Variants in ANKRD44 observed in about 807,000 individuals in gnomAD.
ANKRD44 encodes the protein ankyrin repeat domain 44, also known as serine/threonine-protein phosphatase 6 regulatory ankyrin repeat subunit B.
Under a neutral mutation model 116.0 loss-of-function variants are expected in ANKRD44, and 35 were observed. That is an observed-to-expected ratio of 0.30 (90% CI 0.23 to 0.40). The LOEUF (loss-of-function observed/expected upper bound fraction) is 0.40, where lower values mean the gene tolerates loss of function less well. Ranked by LOEUF, ANKRD44 falls within the 10% of genes least tolerant of loss-of-function variation. The pLI, the probability that ANKRD44 is intolerant of heterozygous loss-of-function variation, is 1.00. For missense variants in ANKRD44, 1,014 were observed against 1,242.6 expected, an observed-to-expected ratio of 0.82 and a Z score of 2.77; for synonymous variants, 435 against 461.8, an observed-to-expected ratio of 0.94 and a Z score of 0.74.
intron 2 of ANKRD44, among the ~76,000 whole-genome samples, chr2:197,155,070 CATTTTT>C (rs1227028061): frequency 6.6e-6 from 1 of 152,110 alleles, no homozygotes; most frequent in Non-Finnish European, 1.5e-5. Context: ...ATGCCAAAGA[CATTTTT>C]ATTTTATCTC....
chr2:197,236,875 A>G (rs2081990305), intron 1 of ANKRD44, among the ~76,000 whole-genome samples: 1 of 152,204 alleles, frequency 6.6e-6, no homozygotes, highest in Admixed American at 6.5e-5. Context: ...TACTGTTTTT[A>G]GCTTACTCCC....
Position 196,987,616 on chromosome 2 carries a change from T to C in ANKRD44, c.*1975A>G, listed in dbSNP as rs1412905733. On this transcript the variant is annotated 3_prime_UTR_variant, in exon 28 of 28. Transcript: ENST00000282272. ...CTGCCTAAAGTACCAAAACATACTATGGTGCCCTTTTAGTAGTGATAAATA... is the reference window on the plus strand; with the variant it reads ...CTGCCTAAAGTACCAAAACATACTACGGTGCCCTTTTAGTAGTGATAAATA... 3.0e-6 allele frequency: 3 copies of C among 985,230 alleles called. No homozygotes were observed. The highest frequency in any genetic ancestry group is 3.6e-6 in the Non-Finnish European group (3 of 829,848). The allele number at this position is 985,230 out of a possible 1,614,324, so 61.0% of individuals were successfully genotyped here. A position where few individuals can be genotyped will look rare whatever the true frequency, so the allele number is the denominator to read the frequency against.
chr2:197,260,150 T>A lies in ANKRD44; in HGVS notation c.27+50428A>T, dbSNP rs376480173. On this transcript the variant is annotated intron_variant, in intron 1 of 27. Coordinates refer to ENST00000282272, the MANE Select transcript of ANKRD44 (RefSeq NM_001195144.2). ...GCACAACGTGCAGGTTTGTTACATA[T>A]GTATACGTGTGCCATGTTGGTGTGC... Among the ~76,000 whole-genome samples, 63 of 152,336 alleles carry A rather than the reference T, an allele frequency of 4.1e-4. No homozygotes were observed. In the South Asian group the frequency reaches 0.013, roughly 31 times the overall value.
intron 1 of ANKRD44, among the ~76,000 whole-genome samples, chr2:197,253,533 A>G (rs1197695056): frequency 6.6e-6 from 1 of 152,170 alleles, no homozygotes; most frequent in East Asian, 1.9e-4. Flanking sequence ...TATTCTACTA[A>G]TATGAATTAT....
intron 2 of ANKRD44, among the ~76,000 whole-genome samples, chr2:197,185,573 A>G (rs1694070288): frequency 6.6e-6 from 1 of 152,246 alleles, no homozygotes; most frequent in African/African-American, 2.4e-5. Context: ...TGTACTGTAC[A>G]TAATTGCTTG....
intron 21 of ANKRD44, among the ~76,000 whole-genome samples, chr2:196,979,188 A>C (rs568080575): frequency 6.6e-6 from 1 of 152,070 alleles, no homozygotes; most frequent in Admixed American, 6.5e-5. Context: ...CGAGGTCAGG[A>C]GATTGAGACC....
chr2:197,151,863 T>C (rs2079660329), intron 2 of ANKRD44, among the ~76,000 whole-genome samples: 1 of 151,990 alleles, frequency 6.6e-6, no homozygotes. Context: ...TCAAATGCAA[T>C]AAGACAAAAA....
chr2:197,193,365 AG>A (rs1226829948), intron 1 of ANKRD44, among the ~76,000 whole-genome samples: 4 of 152,242 alleles, frequency 2.6e-5, no homozygotes, highest in African/African-American at 9.6e-5. Flanking sequence ...GTTGGGCCAA[AG>A]GAAGTGATGG....
rs575459749 is a variant in ANKRD44, at chr2:197,187,938, T to C, written c.28-832A>G. 1.6e-4 allele frequency among the ~76,000 whole-genome samples: 25 copies of C among 152,182 alleles called. 1 individual carries two copies. In the East Asian group the frequency reaches 4.6e-3, roughly 28 times the overall value. On this transcript the variant is annotated intron_variant, in intron 1 of 27. Transcript: ENST00000282272. ...GATTCCTCTACTTCTTGTTAGACAA[T>C]GTTCCTTGTTATCCTCAAATAATTC...
rs919444156 is a variant in ANKRD44, at chr2:197,136,630, G to C, written c.223C>G (p.Leu75Val). 10 of 1,614,040 alleles carry C rather than the reference G, an allele frequency of 6.2e-6. No homozygotes were observed. In the African/African-American group the frequency reaches 9.3e-5, roughly 15 times the overall value. ...GCAACAGCCCGGTGCAGTGGAGTCAGCCACATGTTGTCCTTGGCATTTACA... is the reference window on the plus strand; with the variant it reads ...GCAACAGCCCGGTGCAGTGGAGTCACCCACATGTTGTCCTTGGCATTTACA... ...ARVNAKDNMW[L>V]TPLHRAVASR... Residue 75 changes from leucine to valine, a missense_variant, in exon 4 of 28, where the codon CTG becomes GTG. Physicochemically the swap from Leu to Val is conservative, Grantham distance 32. Coordinates refer to ENST00000282272, the MANE Select transcript of ANKRD44 (RefSeq NM_001195144.2).
At chr2:197,239,549 C>A (rs1031620873) in intron 1 of ANKRD44, among the ~76,000 whole-genome samples, 1 of 152,140 alleles carries the variant, frequency 6.6e-6, no homozygotes, top group Non-Finnish European at 1.5e-5. Flanking sequence ...GTCTTTAATC[C>A]AGGAGAAACA....
At chr2:197,047,725 C>A (rs1574346257) in intron 16 of ANKRD44, among the ~76,000 whole-genome samples, 1 of 152,154 alleles carries the variant, frequency 6.6e-6, no homozygotes, top group Admixed American at 6.5e-5. Context: ...TCCTGGCCAA[C>A]ATGTTGAAAC....
intron 16 of ANKRD44, among the ~76,000 whole-genome samples, chr2:197,026,224 C>A (rs925159845): frequency 2.6e-5 from 4 of 152,134 alleles, no homozygotes; most frequent in African/African-American, 9.7e-5. Flanking sequence ...ACTGATAATT[C>A]CATAATAGAC....
chr2:197,279,445 G>A (rs181949007), intron 1 of ANKRD44, among the ~76,000 whole-genome samples: 73 of 152,114 alleles, frequency 4.8e-4, no homozygotes, highest in East Asian at 1.4e-3. Flanking sequence ...GGCTCCCCAC[G>A]GTCACAAGAT....
intron 1 of ANKRD44, among the ~76,000 whole-genome samples, chr2:197,199,476 G>C (rs2081043438): frequency 6.6e-6 from 1 of 152,166 alleles, no homozygotes; most frequent in Non-Finnish European, 1.5e-5. Flanking sequence ...TACAAAAACA[G>C]ATAAAGAAAA....
At chr2:197,168,414 C>G (rs2125528880) in intron 2 of ANKRD44, among the ~76,000 whole-genome samples, 2 of 152,280 alleles carry the variant, frequency 1.3e-5, no homozygotes, top group Admixed American at 1.3e-4. Flanking sequence ...TATTTTCAAA[C>G]TCAGGGTAAC....
intron 16 of ANKRD44, among the ~76,000 whole-genome samples, chr2:197,049,313 G>T (rs1392371312): frequency 6.6e-6 from 1 of 152,060 alleles, no homozygotes; most frequent in African/African-American, 2.4e-5. Flanking sequence ...ATGGTTTTAG[G>T]AATAGACCTA....
intron 1 of ANKRD44, among the ~76,000 whole-genome samples, chr2:197,220,489 G>T (rs1409719266): frequency 6.6e-6 from 1 of 152,162 alleles, no homozygotes; most frequent in Non-Finnish European, 1.5e-5. Context: ...TGTAAAGAAG[G>T]AAATGCAACA....
chr2:197,060,020 A>G (rs953013419), intron 16 of ANKRD44, among the ~76,000 whole-genome samples: 1 of 152,196 alleles, frequency 6.6e-6, no homozygotes, highest in African/African-American at 2.4e-5. Flanking sequence ...GTGTTTGTGA[A>G]TCTCTCACTA....
Sources: gnomAD v4.1 joint callset for allele counts (sites outside exome capture counted in the v4.1 genomes callset) on GRCh38, gnomAD v4.1.1 for gene constraint, MANE v1.5 for transcripts, NCBI Gene and HGNC (gene_info 2026-07-23, HGNC 2026-07-21) for gene names.